Variants in OR6N1 observed in about 807,000 individuals in gnomAD.
OR6N1 encodes olfactory receptor family 6 subfamily N member 1.
For missense variants in OR6N1, 394 were observed against 371.7 expected, an observed-to-expected ratio of 1.06 and a Z score of -0.49; for synonymous variants, 170 against 150.7, an observed-to-expected ratio of 1.13 and a Z score of -0.94.
At chr1:158,768,130 T>C (rs1657324761) in intron 1 of OR6N1, among the ~76,000 whole-genome samples, 1 of 152,076 alleles carries the variant, frequency 6.6e-6, no homozygotes, top group Non-Finnish European at 1.5e-5. Context: ...AATGTCACAG[T>C]GCCCATGGTC....
At chr1:158,787,943 C>G in the OR6N1 span, among the ~76,000 whole-genome samples, 2 of 152,112 alleles carry the variant, frequency 1.3e-5, no homozygotes, top group African/African-American at 4.8e-5. Flanking sequence ...CAGGCAGTGT[C>G]CTTTGTCTGA....
chr1:158,798,826 C>T, the OR6N1 span, among the ~76,000 whole-genome samples: 3 of 152,110 alleles, frequency 2.0e-5, no homozygotes, highest in Non-Finnish European at 4.4e-5. Flanking sequence ...ATTTTCCTTA[C>T]AGTGCTTTTA....
the OR6N1 span, among the ~76,000 whole-genome samples, chr1:158,794,157 G>A: frequency 2.0e-5 from 3 of 152,160 alleles, no homozygotes; most frequent in African/African-American, 7.2e-5. Flanking sequence ...ATGCACCCAT[G>A]CTGATTTCCC....
chr1:158,836,361 T>G, the OR6N1 span, among the ~76,000 whole-genome samples: 9 of 151,978 alleles, frequency 5.9e-5, no homozygotes, highest in African/African-American at 2.2e-4. Flanking sequence ...GTCTGGACTT[T>G]TCTTTATTGA....
the OR6N1 span, among the ~76,000 whole-genome samples, chr1:158,830,992 A>C: frequency 1.3e-5 from 2 of 152,134 alleles, no homozygotes; most frequent in African/African-American, 4.8e-5. Context: ...CTCTACCAAG[A>C]TCTCCTGCTC....
At chr1:158,831,236 A>G in the OR6N1 span, 1 of 152,196 alleles carries the variant, frequency 6.6e-6, no homozygotes, top group Non-Finnish European at 1.5e-5. Flanking sequence ...ACTTACTACA[A>G]AGAGGAACTG....
the OR6N1 span, among the ~76,000 whole-genome samples, chr1:158,829,709 C>T: frequency 9.9e-5 from 15 of 152,164 alleles, no homozygotes; most frequent in Non-Finnish European, 2.1e-4. Flanking sequence ...CAGCAATGCC[C>T]TACTCCTGGT....
At chr1:158,809,947 G>A in the OR6N1 span, among the ~76,000 whole-genome samples, 1 of 152,110 alleles carries the variant, frequency 6.6e-6, no homozygotes, top group Non-Finnish European at 1.5e-5. Flanking sequence ...TCTCGAAAAG[G>A]AAAACCGTGA....
the OR6N1 span, among the ~76,000 whole-genome samples, chr1:158,835,628 TG>T: frequency 1.4e-5 from 1 of 71,294 alleles, no homozygotes; most frequent in Non-Finnish European, 2.7e-5. Context: ...GGGCGGGGGG[TG>T]GGTGTTAAAC....
the OR6N1 span, among the ~76,000 whole-genome samples, chr1:158,780,654 G>T: frequency 6.6e-6 from 1 of 152,130 alleles, no homozygotes; most frequent in South Asian, 2.1e-4. Flanking sequence ...TTATAATAAG[G>T]TATTGAATAT....
intron 1 of OR6N1, among the ~76,000 whole-genome samples, chr1:158,767,896 T>C (rs1303653961): frequency 1.3e-5 from 2 of 152,216 alleles, no homozygotes; most frequent in African/African-American, 2.4e-5. Context: ...AAAACCTCCT[T>C]TCTCATAGAC....
At chr1:158,771,037 A>T (rs1327078739) in intron 1 of OR6N1, among the ~76,000 whole-genome samples, 1 of 152,202 alleles carries the variant, frequency 6.6e-6, no homozygotes, top group Non-Finnish European at 1.5e-5. Flanking sequence ...ATGTTTGCCA[A>T]GTGGGTTTCT....
the OR6N1 span, among the ~76,000 whole-genome samples, chr1:158,810,578 AGTTTAATCCCAGGG>A: frequency 6.6e-6 from 1 of 152,198 alleles, no homozygotes; most frequent in Non-Finnish European, 1.5e-5. Context: ...TGGACTTTAC[AGTTTAATCCCAGGG>A]GCATTGCCTC....
the OR6N1 span, among the ~76,000 whole-genome samples, chr1:158,798,008 A>G: frequency 2.6e-5 from 4 of 152,154 alleles, no homozygotes; most frequent in Admixed American, 6.5e-5. Flanking sequence ...ATTTTTTAGA[A>G]ATGAATCCAG....
chr1:158,803,807 G>A, the OR6N1 span, among the ~76,000 whole-genome samples: 1 of 152,212 alleles, frequency 6.6e-6, no homozygotes, highest in South Asian at 2.1e-4. Context: ...AGGCTTCCAA[G>A]TTTAGTTCTT....
the OR6N1 span, among the ~76,000 whole-genome samples, chr1:158,800,402 G>A: frequency 6.6e-6 from 1 of 152,072 alleles, no homozygotes; most frequent in Non-Finnish European, 1.5e-5. Context: ...TAATTTTCAA[G>A]GTTTGACAAT....
the OR6N1 span, among the ~76,000 whole-genome samples, chr1:158,837,812 T>G: frequency 4.6e-5 from 7 of 151,572 alleles, no homozygotes; most frequent in African/African-American, 1.7e-4. Flanking sequence ...CTTAGTGACT[T>G]CTTTTTGTTG....
At chr1:158,802,277 G>A in the OR6N1 span, among the ~76,000 whole-genome samples, 3 of 141,748 alleles carry the variant, frequency 2.1e-5, no homozygotes, top group Non-Finnish European at 3.0e-5. Flanking sequence ...GAGCGATCTC[G>A]GCTCACTGCA....
At chr1:158,837,286 C>T in the OR6N1 span, among the ~76,000 whole-genome samples, 1 of 151,794 alleles carries the variant, frequency 6.6e-6, no homozygotes, top group South Asian at 2.1e-4. Flanking sequence ...GATTGTTCTA[C>T]CTATTATTGA....
Sources: allele counts gnomAD v4.1 joint callset (sites outside exome capture counted in the v4.1 genomes callset), GRCh38; gene constraint gnomAD v4.1.1; transcripts MANE v1.5; gene names NCBI Gene and HGNC (gene_info 2026-07-23, HGNC 2026-07-21).